The following RFC3 variants were observed in gnomAD, a reference collection of about 807,000 sequenced individuals.
RFC3 encodes replication factor C subunit 3.
RFC3 carries 41 observed loss-of-function variants against 45.1 expected under a neutral mutation model. That is an observed-to-expected ratio of 0.91 (90% CI 0.71 to 1.18). RFC3 has a LOEUF of 1.18. RFC3 is among the 50% of genes most tolerant of loss of function. The pLI, the probability that RFC3 is intolerant of heterozygous loss-of-function variation, is 0.00. For synonymous variants in RFC3, 149 were observed against 144.0 expected, an observed-to-expected ratio of 1.03 and a Z score of -0.25; for missense variants, 423 against 428.1, an observed-to-expected ratio of 0.99 and a Z score of 0.10.
chr13:33,911,963 C>G (rs1348577442), intron 8 of RFC3, among the ~76,000 whole-genome samples: 1 of 152,114 alleles, frequency 6.6e-6, no homozygotes, highest in African/African-American at 2.4e-5. Flanking sequence ...ACACTTGATA[C>G]TACCACTTCT....
chr13:33,820,432 G>A (rs2081990984), intron 1 of RFC3, among the ~76,000 whole-genome samples: 2 of 152,244 alleles, frequency 1.3e-5, no homozygotes, highest in South Asian at 2.1e-4. Flanking sequence ...ATAATCATAC[G>A]GCAGCTTCCC....
chr13:33,834,329 T>TATATATATATATACACATAC lies in RFC3; in HGVS notation c.810-817_810-816insATATATATATACACATACAT, dbSNP rs1300798923. On this transcript the variant is annotated intron_variant, in intron 7 of 8. Coordinates refer to ENST00000380071, the MANE Select transcript of RFC3 (RefSeq NM_002915.4). ...ATATATATATATATATATATATATA[T>TATATATATATATACACATAC]ATCTGTACTGTAAAAATTCAGAAGT... Among the ~76,000 whole-genome samples, 1,199 of 124,858 alleles carry TATATATATATATACACATAC rather than the reference T, an allele frequency of 9.6e-3. 29 individuals carry two copies. The highest frequency in any genetic ancestry group is 0.018 in the East Asian group (75 of 4,204). 81.9% of individuals were successfully genotyped at this position (124,858 alleles called of 152,430 possible).
intron 8 of RFC3, among the ~76,000 whole-genome samples, chr13:33,872,793 C>CCA (rs386378768): frequency 7.1e-4 from 5 of 7,048 alleles, no homozygotes; most frequent in Admixed American, 1.1e-3. Flanking sequence ...AGAAACCAAA[C>CCA]CCCCCCCCCC....
downstream of RFC3, among the ~76,000 whole-genome samples, chr13:33,970,939 G>C (rs537461578): frequency 3.3e-5 from 5 of 152,316 alleles, no homozygotes; most frequent in African/African-American, 1.2e-4. Context: ...AAGGGGCTTG[G>C]TGTACACTTA....
At chr13:33,823,694 A>G (rs1371359135) in intron 2 of RFC3, among the ~76,000 whole-genome samples, 1 of 152,136 alleles carries the variant, frequency 6.6e-6, no homozygotes, top group East Asian at 1.9e-4. Context: ...TAAGGAAAAG[A>G]AAAAAGTAGT....
In RFC3 at chr13:33,832,535, C is replaced by T. The variant is rs904136167; in HGVS notation, c.809+1181C>T. On this transcript the variant is annotated intron_variant, in intron 7 of 8. Transcript: ENST00000380071. ...CATACATAGTGGGTACTTAGTATTTCATTTAAGGTTTGCTTTGAATTCTCA... is the reference window on the plus strand; with the variant it reads ...CATACATAGTGGGTACTTAGTATTTTATTTAAGGTTTGCTTTGAATTCTCA... 8.5e-5 allele frequency among the ~76,000 whole-genome samples: 13 copies of T among 152,076 alleles called. 1 individual carries two copies.
chr13:33,966,983 C>T (rs913599506), downstream of RFC3, among the ~76,000 whole-genome samples: 2 of 151,748 alleles, frequency 1.3e-5, no homozygotes, highest in African/African-American at 4.8e-5. Context: ...ATGGCGAAAC[C>T]CCGTCTCTAC....
In RFC3 at chr13:33,966,183, A is replaced by G. The variant is rs1043618001; in HGVS notation, c.*58A>G. The G allele has an allele frequency of 8.9e-6, 12 of 1,348,700 alleles. No individual in the cohort carries two copies. The African/African-American group carries it at 1.1e-4, about 13-fold the overall frequency. 83.5% of individuals were successfully genotyped at this position (1,348,700 alleles called of 1,614,324 possible). A position where few individuals can be genotyped will look rare whatever the true frequency, so the allele number is the denominator to read the frequency against. On this transcript the variant is annotated 3_prime_UTR_variant, in exon 9 of 9. Transcript: ENST00000434425. ...ACTTCTCTCATCTTTTAGCATGTGA[A>G]GTTTTGCAAATATAATCCACTTTGC...
chr13:33,932,436 A>C (rs998658318), intron 8 of RFC3, among the ~76,000 whole-genome samples: 8 of 152,126 alleles, frequency 5.3e-5, no homozygotes, highest in Non-Finnish European at 1.2e-4. Context: ...TTCCCTCCCA[A>C]ACCATTTTTG....
chr13:33,873,813 C>T (rs1377790855), intron 8 of RFC3, among the ~76,000 whole-genome samples: 1 of 152,156 alleles, frequency 6.6e-6, no homozygotes, highest in Admixed American at 6.5e-5. Flanking sequence ...CGGTAACTGC[C>T]TGAAATAATT....
At chr13:33,895,371 AAAAAACATAT>A (rs2082591233) in intron 8 of RFC3, among the ~76,000 whole-genome samples, 1 of 152,236 alleles carries the variant, frequency 6.6e-6, no homozygotes, top group Non-Finnish European at 1.5e-5. Flanking sequence ...ACAAATGGCC[AAAAAACATAT>A]AAAAATGCTC....
chr13:33,855,581 A>G (rs1191035322), intron 8 of RFC3, among the ~76,000 whole-genome samples: 1 of 152,142 alleles, frequency 6.6e-6, no homozygotes, highest in African/African-American at 2.4e-5. Flanking sequence ...GAACTAATTT[A>G]CCCTCCCACC....
At chr13:33,859,561 G>A (rs538230098) in intron 8 of RFC3, among the ~76,000 whole-genome samples, 4 of 152,296 alleles carry the variant, frequency 2.6e-5, no homozygotes, top group African/African-American at 4.8e-5. Context: ...AGGAAAAGGA[G>A]CATAATTTTA....
intron 5 of RFC3, 124 bp downstream of exon 5, chr13:33,830,141 C>A: frequency 2.5e-6 from 2 of 796,358 alleles, no homozygotes; most frequent in South Asian, 1.7e-5. Context: ...GGATGCAAAG[C>A]ATTAATATGT....
At chr13:33,964,019 A>G (rs1295691859) in intron 8 of RFC3, among the ~76,000 whole-genome samples, 2 of 152,176 alleles carry the variant, frequency 1.3e-5, no homozygotes, top group Non-Finnish European at 2.9e-5. Context: ...CGTCCTTCAA[A>G]TGATGAAATC....
intron 8 of RFC3, among the ~76,000 whole-genome samples, chr13:33,924,756 G>T (rs970087064): frequency 6.7e-6 from 1 of 148,514 alleles, no homozygotes; most frequent in African/African-American, 2.5e-5. Context: ...AGGGCCTGGT[G>T]ATTGAGGGGA....
chr13:33,859,215 C>A (rs1048972584), intron 8 of RFC3, among the ~76,000 whole-genome samples: 4 of 152,118 alleles, frequency 2.6e-5, no homozygotes, highest in African/African-American at 9.7e-5. Context: ...GGAAGCTGAG[C>A]ATGAACTCTA....
intron 8 of RFC3, among the ~76,000 whole-genome samples, chr13:33,861,398 C>T (rs1015185049): frequency 3.9e-5 from 6 of 152,086 alleles, no homozygotes; most frequent in African/African-American, 1.2e-4. Flanking sequence ...GAGGCCGAGG[C>T]GGGCAGATCG....
chr13:33,861,205 A>G lies in RFC3; in HGVS notation c.879+25988A>G, dbSNP rs534317410. Among the ~76,000 whole-genome samples the G allele has an allele frequency of 1.2e-4, 19 of 152,362 alleles. No homozygotes were observed. The East Asian group carries it at 3.1e-3, about 25-fold the overall frequency. Reference sequence around the variant, plus strand: ...TGTAAAATATAAAAATAGAGGTTGCATGTCAATTTCAAGATTTCTTAGAGC... The same window carrying G: ...TGTAAAATATAAAAATAGAGGTTGCGTGTCAATTTCAAGATTTCTTAGAGC... On this transcript the variant is annotated intron_variant, in intron 8 of 8. Coordinates refer to the RFC3 transcript ENST00000434425.
Sources: allele counts gnomAD v4.1 joint callset (sites outside exome capture counted in the v4.1 genomes callset), GRCh38; gene constraint gnomAD v4.1.1; transcripts MANE v1.5; gene names NCBI Gene and HGNC (gene_info 2026-07-23, HGNC 2026-07-21).